The following ERG variants were observed in gnomAD, a reference collection of about 807,000 sequenced individuals.
ERG encodes ETS transcription factor ERG.
In ERG, 9 loss-of-function variants were observed where a neutral mutation model predicts 55.3. The observed-to-expected ratio is 0.16, with a 90% CI of 0.10 to 0.28. The LOEUF is 0.28. ERG is among the 10% of genes least tolerant of loss of function. The pLI is 1.00. For synonymous variants in ERG, 223 were observed against 237.3 expected, an observed-to-expected ratio of 0.94 and a Z score of 0.55; for missense variants, 434 against 631.6, an observed-to-expected ratio of 0.69 and a Z score of 3.35.
intron 1 of ERG, among the ~76,000 whole-genome samples, chr21:38,604,922 T>C (rs183386503): frequency 1.3e-5 from 2 of 152,368 alleles, no homozygotes; most frequent in East Asian, 3.9e-4. Context: ...AGTGTACTTA[T>C]TATAGGGCGT....
intron 1 of ERG, among the ~76,000 whole-genome samples, chr21:38,494,495 T>C (rs1015218510): frequency 6.6e-6 from 1 of 152,238 alleles, no homozygotes; most frequent in African/African-American, 2.4e-5. Context: ...GAGGGAATCT[T>C]ATTCTAAAGT....
intron 1 of ERG, among the ~76,000 whole-genome samples, chr21:38,595,755 G>A (rs1180216098): frequency 3.9e-5 from 6 of 152,142 alleles, no homozygotes; most frequent in Admixed American, 2.6e-4. Flanking sequence ...GAGAGGGTCC[G>A]CACCTGGAGG....
intron 1 of ERG, among the ~76,000 whole-genome samples, chr21:38,647,570 G>T (rs1190751989): frequency 6.6e-6 from 1 of 152,124 alleles, no homozygotes; most frequent in African/African-American, 2.4e-5. Context: ...TTAGGAGGTT[G>T]ATCATGAAAA....
At chr21:38,455,446 C>T (rs1317229237) in intron 1 of ERG, among the ~76,000 whole-genome samples, 1 of 152,112 alleles carries the variant, frequency 6.6e-6, no homozygotes, top group Admixed American at 6.5e-5. Flanking sequence ...TGGCATGGTC[C>T]TTCTCTGAAC....
intron 2 of ERG, among the ~76,000 whole-genome samples, chr21:38,434,234 G>A (rs1037692693): frequency 2.0e-5 from 3 of 152,132 alleles, no homozygotes; most frequent in African/African-American, 7.2e-5. Flanking sequence ...TTAACATGGG[G>A]CTGGCATTTG....
chr21:38,549,281 T>C (rs999574919), intron 2 of ERG, among the ~76,000 whole-genome samples: 4 of 152,168 alleles, frequency 2.6e-5, no homozygotes, highest in Admixed American at 1.3e-4. Context: ...AAAGGCATCA[T>C]CTGAAGGCTC....
intron 2 of ERG, among the ~76,000 whole-genome samples, chr21:38,521,348 A>T (rs1241562300): frequency 6.6e-6 from 1 of 152,352 alleles, no homozygotes; most frequent in South Asian, 2.1e-4. Context: ...AGGCAGGCAC[A>T]GAGAAGTTAC....
At chr21:38,581,721 A>G (rs994223187) in intron 1 of ERG, among the ~76,000 whole-genome samples, 1 of 152,304 alleles carries the variant, frequency 6.6e-6, no homozygotes, top group Middle Eastern at 3.4e-3. Flanking sequence ...GCATATTGGT[A>G]TGAAGAGTGT....
intron 2 of ERG, among the ~76,000 whole-genome samples, chr21:38,435,479 T>G (rs189965929): frequency 6.6e-6 from 1 of 152,262 alleles, no homozygotes; most frequent in Admixed American, 6.5e-5. Context: ...ACTGAAACCG[T>G]AGATGTTTGT....
intron 1 of ERG, chr21:38,449,033 C>T (rs566189594): frequency 1.3e-5 from 2 of 152,334 alleles, no homozygotes; most frequent in South Asian, 4.1e-4. Context: ...TGCCTGCCTA[C>T]CTGCCGGCCA....
intron 5 of ERG, 66 bp downstream of exon 5, chr21:38,402,491 A>G: frequency 8.1e-7 from 1 of 1,239,732 alleles, no homozygotes; most frequent in Non-Finnish European, 1.2e-6. Flanking sequence ...GTTTCCCATG[A>G]AAGCATGCAA....
chr21:38,489,079 G>A (rs2059313061), intron 1 of ERG, among the ~76,000 whole-genome samples: 1 of 152,194 alleles, frequency 6.6e-6, no homozygotes, highest in Non-Finnish European at 1.5e-5. Context: ...TGCGTCTCTG[G>A]TTGGGCTGGC....
intron 1 of ERG, among the ~76,000 whole-genome samples, chr21:38,660,221 G>A (rs1434978139): frequency 6.6e-6 from 1 of 152,230 alleles, no homozygotes; most frequent in African/African-American, 2.4e-5. Context: ...TTCCACTCCA[G>A]ACAAGGACAA....
intron 2 of ERG, among the ~76,000 whole-genome samples, chr21:38,564,045 A>C (rs1187229676): frequency 2.6e-5 from 4 of 152,060 alleles, no homozygotes; most frequent in Non-Finnish European, 5.9e-5. Flanking sequence ...CTAATTATCA[A>C]CTATTTTTAT....
intron 2 of ERG, among the ~76,000 whole-genome samples, chr21:38,505,947 G>A (rs2059457341): frequency 6.6e-6 from 1 of 151,972 alleles, no homozygotes; most frequent in African/African-American, 2.4e-5. Context: ...TCCTTGAATT[G>A]ACATTATTTT....
chr21:38,378,499 C>T (rs577159593), downstream of ERG, among the ~76,000 whole-genome samples: 2 of 152,322 alleles, frequency 1.3e-5, no homozygotes, highest in Admixed American at 1.3e-4. Context: ...TAGCTGCAAA[C>T]GTTTTCCAAC....
chr21:38,647,109 C>T (rs1040181677), intron 1 of ERG, among the ~76,000 whole-genome samples: 5 of 152,152 alleles, frequency 3.3e-5, no homozygotes, highest in South Asian at 2.1e-4. Context: ...GTCAGCGATT[C>T]GGCATGTTTA....
intron 1 of ERG, among the ~76,000 whole-genome samples, chr21:38,492,509 T>C (rs577527898): frequency 4.1e-4 from 62 of 152,364 alleles, no homozygotes; most frequent in African/African-American, 1.4e-3. Flanking sequence ...AATTAAAATT[T>C]AAGTTTATGT....
intron 1 of ERG, chr21:38,473,886 ATGTGTGTGTAAGTGTTGTATATGTG>A (rs892121855): frequency 5.3e-5 from 8 of 151,610 alleles, no homozygotes; most frequent in African/African-American, 1.7e-4. Flanking sequence ...GTGTGAGCGT[ATGTGTGTGTAAGTGTTGTATATGTG>A]TGTATGTGTG....
Sources: gnomAD v4.1 joint callset for allele counts (sites outside exome capture counted in the v4.1 genomes callset) on GRCh38, gnomAD v4.1.1 for gene constraint, MANE v1.5 for transcripts, NCBI Gene and HGNC (gene_info 2026-07-23, HGNC 2026-07-21) for gene names.